TBC1D9: variants seen among roughly 807,000 people sequenced by gnomAD.
TBC1D9 encodes TBC1 domain family member 9.
In TBC1D9, 63 loss-of-function variants were observed where a neutral mutation model predicts 132.0. That is an observed-to-expected ratio of 0.48 (90% CI 0.39 to 0.59). The LOEUF is 0.59. Among genes scored for constraint, TBC1D9 ranks in the 20% least tolerant of loss-of-function variants. The pLI, the probability that TBC1D9 is intolerant of heterozygous loss-of-function variation, is 0.00. For synonymous variants in TBC1D9, 610 were observed against 609.9 expected, an observed-to-expected ratio of 1.00 and a Z score of 0.00; for missense variants, 1,261 against 1,592.7, an observed-to-expected ratio of 0.79 and a Z score of 3.54.
chr4:140,700,152 A>T (rs1258877925), intron 2 of TBC1D9, among the ~76,000 whole-genome samples: 2 of 145,416 alleles, frequency 1.4e-5, no homozygotes, highest in Non-Finnish European at 3.0e-5. Context: ...AAATTATATT[A>T]AAAAAAAAAA....
intron 1 of TBC1D9, among the ~76,000 whole-genome samples, chr4:140,703,065 C>T (rs540895098): frequency 6.6e-6 from 1 of 152,246 alleles, no homozygotes; most frequent in East Asian, 1.9e-4. Flanking sequence ...CTGAAAAAAA[C>T]CTGCTAAGAT....
rs1736622547 is a variant in TBC1D9, at chr4:140,622,088, A to T, written c.*107T>A. ...GAAAACACTAGGCTTCAAGCCAGGT[A>T]CTAATAAATATTTAATTTAAAAGAA... On this transcript the variant is annotated 3_prime_UTR_variant, in exon 21 of 21. Transcript: ENST00000442267. The T allele has an allele frequency of 7.8e-6, 11 of 1,409,062 alleles. No individual in the cohort carries two copies. In the South Asian group the frequency reaches 1.8e-4, roughly 22 times the overall value. 87.3% of individuals were successfully genotyped at this position (1,409,062 alleles called of 1,614,324 possible). A position where few individuals can be genotyped will look rare whatever the true frequency, so the allele number is the denominator to read the frequency against.
rs139702085 is a variant in TBC1D9, at chr4:140,717,429, T to C, written c.131-15815A>G. On this transcript the variant is annotated intron_variant, in intron 1 of 20. Coordinates refer to ENST00000442267, the MANE Select transcript of TBC1D9 (RefSeq NM_015130.3). ...AACTATGACATAAATGATTCAATAATGGCAATGATTCTTTGTTAATGGCTA... is the reference window on the plus strand; with the variant it reads ...AACTATGACATAAATGATTCAATAACGGCAATGATTCTTTGTTAATGGCTA... Among the ~76,000 whole-genome samples the C allele has an allele frequency of 7.9e-5, 12 of 152,362 alleles. No individual in the cohort carries two copies. In the East Asian group the frequency reaches 2.1e-3, roughly 27 times the overall value.
chr4:140,639,160 A>T lies in TBC1D9; in HGVS notation c.2437-6T>A. The T allele has an allele frequency of 6.4e-7, 1 of 1,569,100 alleles. No individual in the cohort carries two copies. Among genetic ancestry groups the T allele is most frequent in the Non-Finnish European group, 8.7e-7 (1 of 1,155,248 alleles). On this transcript the variant is annotated splice_polypyrimidine_tract_variant and splice_region_variant and intron_variant, in intron 14 of 20. Coordinates refer to ENST00000442267, the MANE Select transcript of TBC1D9 (RefSeq NM_015130.3). ...TCTGTCACAATGGTTCGTACCTATA[A>T]AAATATTAAGCAAAATGAATTTCAC...
intron 6 of TBC1D9, among the ~76,000 whole-genome samples, chr4:140,671,813 G>A (rs977028173): frequency 4.0e-5 from 6 of 151,392 alleles, no homozygotes; most frequent in East Asian, 1.9e-4. Context: ...TAGGATAAAC[G>A]CATTAAAACT....
Position 140,706,256 on chromosome 4 carries a change from C to G in TBC1D9, c.131-4642G>C, listed in dbSNP as rs1268583129. On this transcript the variant is annotated intron_variant, in intron 1 of 20. Coordinates refer to ENST00000442267, the MANE Select transcript of TBC1D9 (RefSeq NM_015130.3). The surrounding 1 kb of genome is among the most constrained non-coding windows in gnomAD (Gnocchi z 4.0). ...CAGGATCCTAAAGATCACTTGGCCT[C>G]CCCGACTCCATTAGTCCTGACGCTG... Among the ~76,000 whole-genome samples the G allele has an allele frequency of 2.6e-5, 4 of 152,236 alleles. No individual in the cohort carries two copies. Among genetic ancestry groups the G allele is most frequent in the Non-Finnish European group, 5.9e-5 (4 of 68,038 alleles).
rs540119887 is a variant in TBC1D9, at chr4:140,700,214, T to C, written c.241+1290A>G. Among the ~76,000 whole-genome samples the C allele has an allele frequency of 9.4e-3, 1,415 of 150,490 alleles. 11 individuals are homozygous for C. The highest frequency in any genetic ancestry group is 0.014 in the Non-Finnish European group (962 of 67,628). On this transcript the variant is annotated intron_variant, in intron 2 of 20. Coordinates refer to ENST00000442267, the MANE Select transcript of TBC1D9 (RefSeq NM_015130.3). ...CCTGTAATCCCAGCACTTTGGGAGG[T>C]TGAGGGGGGCGGATCACCTGAGGTC...
chr4:140,660,001 C>T (rs1424369011), intron 10 of TBC1D9, among the ~76,000 whole-genome samples: 1 of 152,200 alleles, frequency 6.6e-6, no homozygotes, highest in Non-Finnish European at 1.5e-5. Flanking sequence ...TGCTGGCAAA[C>T]CCCTATTCCA....
At chr4:140,640,889 G>GTGTGTGT (rs1736977524) in intron 13 of TBC1D9, among the ~76,000 whole-genome samples, 1 of 150,440 alleles carries the variant, frequency 6.6e-6, no homozygotes, top group African/African-American at 2.5e-5. Flanking sequence ...ATACATATAT[G>GTGTGTGT]CTATATATAT....
chr4:140,657,295 A>G, intron 12 of TBC1D9, 69 bp from the exon 13 acceptor site: 1 of 1,549,548 alleles, frequency 6.5e-7, no homozygotes, highest in Non-Finnish European at 8.7e-7. Context: ...TTCTCCAATC[A>G]TTTTCTGCAA....
At chr4:140,686,555 A>G (rs945723209) in intron 2 of TBC1D9, 93 bp from the exon 3 acceptor site, 8 of 773,320 alleles carry the variant, frequency 1.0e-5, no homozygotes, top group Admixed American at 7.2e-5. Flanking sequence ...TATACCATCA[A>G]AGGAGACTAT....
intron 13 of TBC1D9, chr4:140,642,150 A>T: frequency 1.3e-6 from 1 of 766,138 alleles, no homozygotes; most frequent in Non-Finnish European, 2.4e-6. Context: ...GTCCTTTGCC[A>T]CCATGCCACA....
chr4:140,713,759 A>AAAC (rs371511447), intron 1 of TBC1D9, among the ~76,000 whole-genome samples: 5,732 of 151,192 alleles, frequency 0.038, 134 homozygotes, highest in Middle Eastern at 0.096. Flanking sequence ...TAAAAAAAAA[A>AAAC]AACTATATTT....
intron 1 of TBC1D9, among the ~76,000 whole-genome samples, chr4:140,705,779 C>G (rs992698742): frequency 2.6e-5 from 4 of 152,108 alleles, no homozygotes; most frequent in Non-Finnish European, 5.9e-5. Context: ...AAATACTGAA[C>G]CTTTTCTTCA....
intron 13 of TBC1D9, among the ~76,000 whole-genome samples, chr4:140,656,604 CTT>C (rs1560875439): frequency 6.6e-6 from 1 of 152,216 alleles, no homozygotes; most frequent in Non-Finnish European, 1.5e-5. Flanking sequence ...GGCTTTGTCT[CTT>C]TGCAGTTAAC....
Position 140,668,902 on chromosome 4 carries a change from GC to G in TBC1D9, c.1588+14del. ...ACAGACTTTGACGCCAGCATTCCCA[GC>G]CCAGCGGCCGTACCTGACAGCAGCA... On this transcript the variant is annotated intron_variant, in intron 9 of 20. Coordinates refer to ENST00000442267, the MANE Select transcript of TBC1D9 (RefSeq NM_015130.3). 1.2e-6 allele frequency: 2 copies of G among 1,612,852 alleles called. No homozygotes were observed. Among genetic ancestry groups the G allele is most frequent in the Non-Finnish European group, 1.7e-6 (2 of 1,179,594 alleles).
Position 140,739,273 on chromosome 4 carries a change from C to T in TBC1D9, c.130+16643G>A, listed in dbSNP as rs141384618. ...GTGCTGGGATTACAGGCTGAGCCAC[C>T]GCACCTGGCTCAAAACTGAATTTTT... On this transcript the variant is annotated intron_variant, in intron 1 of 20. Coordinates refer to ENST00000442267, the MANE Select transcript of TBC1D9 (RefSeq NM_015130.3). Among the ~76,000 whole-genome samples the T allele has an allele frequency of 5.2e-3, 785 of 152,252 alleles. 8 individuals are homozygous for T. The highest frequency in any genetic ancestry group is 6.7e-3 in the Non-Finnish European group (459 of 68,024).
rs765745157 is a variant in TBC1D9 at position 140,679,718 on chromosome 4, G to A, written c.486C>T (p.Asn162=). ...CCTTCCAATAGCTGCAAGAGTAATA[G>A]TTGACGAGTTTCTCTTCCTCTGGCA... ...FGMPEEEKLV[N]YYSCSYWKGK... Residue 162 remains asparagine (N), a synonymous_variant, in exon 4 of 21, where the codon AAC becomes AAT. Coordinates refer to ENST00000442267, the MANE Select transcript of TBC1D9 (RefSeq NM_015130.3). The A allele has an allele frequency of 5.6e-6, 9 of 1,613,654 alleles. No homozygotes were observed. The African/African-American group carries it at 8.0e-5, about 14-fold the overall frequency.
rs35813378 is a variant in TBC1D9, at chr4:140,641,090, C to CAAAAAAAAAAAAAAAAAAAAAAAAAAA, written c.2338-1663_2338-1662insTTTTTTTTTTTTTTTTTTTTTTTTTTT. Among the ~76,000 whole-genome samples, 10 of 35,048 alleles carry CAAAAAAAAAAAAAAAAAAAAAAAAAAA rather than the reference C, an allele frequency of 2.9e-4. 1 individual carries two copies. Among genetic ancestry groups the CAAAAAAAAAAAAAAAAAAAAAAAAAAA allele is most frequent in the African/African-American group, 5.2e-4 (4 of 7,630 alleles). 23.0% of individuals were successfully genotyped at this position (35,048 alleles called of 152,430 possible). A position where few individuals can be genotyped will look rare whatever the true frequency, so the allele number is the denominator to read the frequency against. On this transcript the variant is annotated intron_variant, in intron 13 of 20. Coordinates refer to ENST00000442267, the MANE Select transcript of TBC1D9 (RefSeq NM_015130.3). The stretch of plus-strand genomic sequence containing the variant: ...TAAATCTTACAATCATAATACTAAG[C>CAAAAAAAAAAAAAAAAAAAAAAAAAAA]AAAAAAAAAAAAAACAAAAAAAAAC...
Sources: allele counts gnomAD v4.1 joint callset (sites outside exome capture counted in the v4.1 genomes callset), GRCh38; gene constraint gnomAD v4.1.1; non-coding constraint Gnocchi (gnomAD v3.1); transcripts MANE v1.5; gene names NCBI Gene and HGNC (gene_info 2026-07-23, HGNC 2026-07-21).